The following PTK2B variants were observed in gnomAD, a reference collection of about 807,000 sequenced individuals.
PTK2B encodes the protein protein tyrosine kinase 2 beta, also known as protein-tyrosine kinase 2-beta.
Under a neutral mutation model 142.9 loss-of-function variants are expected in PTK2B, and 71 were observed. The ratio of observed to expected loss-of-function variants is 0.50; its 90% CI spans 0.41 to 0.61. The LOEUF (loss-of-function observed/expected upper bound fraction) is 0.61, where lower values mean the gene tolerates loss of function less well. Among genes scored for constraint, PTK2B ranks in the 20% least tolerant of loss-of-function variants. The pLI is 0.00. For missense variants in PTK2B, 1,105 were observed against 1,320.4 expected (o/e 0.84, Z 2.53); for synonymous variants, 519 against 503.4 (o/e 1.03, Z -0.42).
At chr8:27,349,264 A>G (rs1031555644) in intron 1 of PTK2B, among the ~76,000 whole-genome samples, 1 of 152,178 alleles carries the variant, frequency 6.6e-6, no homozygotes, top group African/African-American at 2.4e-5. Context: ...TTTGGTCTTA[A>G]CTGTATGACT....
At chr8:27,444,989 G>A (rs1309728620) in intron 23 of PTK2B, among the ~76,000 whole-genome samples, 4 of 152,052 alleles carry the variant, frequency 2.6e-5, no homozygotes. Flanking sequence ...AGGACTAATA[G>A]ATAAATCCTC....
chr8:27,316,334 C>G (rs1803094159), intron 3 of PTK2B, among the ~76,000 whole-genome samples: 2 of 150,976 alleles, frequency 1.3e-5, no homozygotes, highest in Admixed American at 6.6e-5. Flanking sequence ...AAAGTGGCTA[C>G]TGCAAATAAA....
At chr8:27,311,274 C>T, upstream of PTK2B, 1 of 1,461,218 alleles carries the variant, frequency 6.8e-7, no homozygotes, top group Admixed American at 2.5e-5. Context: ...AACTTTTGCT[C>T]CGGCCCCTCC....
upstream of PTK2B, among the ~76,000 whole-genome samples, chr8:27,323,769 T>C (rs1015425607): frequency 5.9e-5 from 9 of 152,306 alleles, no homozygotes; most frequent in Middle Eastern, 3.4e-3. Context: ...GTCTTTTTCA[T>C]TTAAAAAGCT....
chr8:27,448,866 A>G (rs966147411), intron 24 of PTK2B, among the ~76,000 whole-genome samples: 11 of 152,222 alleles, frequency 7.2e-5, no homozygotes, highest in African/African-American at 2.7e-4. Context: ...TCAGCCTCTG[A>G]TCAACAAAAC....
chr8:27,453,017 T>A, intron 27 of PTK2B, 97 bp from the exon 28 acceptor site: 2 of 1,395,390 alleles, frequency 1.4e-6, no homozygotes, highest in South Asian at 1.2e-5. Flanking sequence ...AGTCTCCTGG[T>A]GGTAGAGGGG....
Position 27,430,119 on chromosome 8 carries a change from A to G in PTK2B, c.578A>G (p.Asn193Ser), listed in dbSNP as rs1406125901. The G allele has an allele frequency of 1.9e-6, 3 of 1,613,968 alleles. No homozygotes were observed. Among genetic ancestry groups the G allele is most frequent in the Non-Finnish European group, 2.5e-6 (3 of 1,179,902 alleles). Reference sequence around the variant, plus strand: ...CGGTTCTTCAAGGATATGCCCCACAATGCACTTGACAAGAAGTCCAACTTC... The same window carrying G: ...CGGTTCTTCAAGGATATGCCCCACAGTGCACTTGACAAGAAGTCCAACTTC... ...LRRFFKDMPHNALDKKSNFEL... is the reference protein window; with the variant it reads ...LRRFFKDMPHSALDKKSNFEL... The change falls in exon 6 of 31, where the codon AAT (asparagine) becomes AGT (serine). Residue 193 changes from asparagine (N) to serine (S), a missense_variant. Transcript: ENST00000346049.
chr8:27,410,012 A>G (rs1219042500), intron 2 of PTK2B, among the ~76,000 whole-genome samples: 2 of 152,212 alleles, frequency 1.3e-5, no homozygotes, highest in Non-Finnish European at 2.9e-5. Flanking sequence ...GTGAGCCACC[A>G]TGCCTGGCCT....
intron 5 of PTK2B, among the ~76,000 whole-genome samples, chr8:27,426,507 A>G (rs73570190): frequency 2.2e-3 from 330 of 152,332 alleles, no homozygotes; most frequent in African/African-American, 7.7e-3. Context: ...TTGGGAAGCT[A>G]CCTTACTGGG....
intron 15 of PTK2B, 77 bp downstream of exon 15, chr8:27,436,425 T>C: frequency 1.4e-6 from 2 of 1,421,374 alleles, no homozygotes; most frequent in Non-Finnish European, 9.9e-7. Context: ...CTGAGCAGGT[T>C]GGAGTTGGCA....
intron 5 of PTK2B, among the ~76,000 whole-genome samples, chr8:27,423,281 T>C (rs2131880628): frequency 6.6e-6 from 1 of 152,334 alleles, no homozygotes; most frequent in South Asian, 2.1e-4. Context: ...AGCCCTGTCT[T>C]GACCAGGGCA....
intron 1 of PTK2B, among the ~76,000 whole-genome samples, chr8:27,381,894 T>G (rs1453777719): frequency 6.6e-6 from 1 of 152,246 alleles, no homozygotes; most frequent in Non-Finnish European, 1.5e-5. Context: ...TGATTCATAT[T>G]TCCCTTATGA....
At chr8:27,396,287 A>G (rs1349163234) in intron 1 of PTK2B, 2 of 152,234 alleles carry the variant, frequency 1.3e-5, no homozygotes, top group East Asian at 3.8e-4. Context: ...CATACAGGCT[A>G]TGATTCCACT....
intron 10 of PTK2B, 191 bp from the exon 11 acceptor site, chr8:27,433,244 C>G (rs573938575): frequency 1.7e-6 from 1 of 571,714 alleles, no homozygotes; most frequent in Non-Finnish European, 3.1e-6. Context: ...CTTTGGAGAG[C>G]ATGGGCGTAC....
intron 1 of PTK2B, among the ~76,000 whole-genome samples, chr8:27,376,672 C>T (rs1054778252): frequency 1.3e-5 from 2 of 152,160 alleles, no homozygotes; most frequent in Non-Finnish European, 2.9e-5. Context: ...ATGAGAGTGT[C>T]CTCTGGTCAT....
intron 1 of PTK2B, among the ~76,000 whole-genome samples, chr8:27,333,970 A>T (rs1803909123): frequency 1.3e-5 from 2 of 150,742 alleles, no homozygotes; most frequent in Non-Finnish European, 3.0e-5. Context: ...ACGCCAAACC[A>T]TCTCTCCTCC....
upstream of PTK2B, chr8:27,322,400 A>T (rs755407858): frequency 6.6e-6 from 1 of 152,186 alleles, no homozygotes; most frequent in Admixed American, 6.5e-5. Context: ...TCTGCAAACC[A>T]GGAATAGGAC....
chr8:27,442,835 T>C, intron 21 of PTK2B, 40 bp from the exon 22 acceptor site: 1 of 1,564,566 alleles, frequency 6.4e-7, no homozygotes, highest in East Asian at 2.2e-5. Flanking sequence ...CGTCTCACTT[T>C]GACCTAGTTT....
At chr8:27,356,697 A>G (rs1009686257) in intron 1 of PTK2B, among the ~76,000 whole-genome samples, 1 of 152,270 alleles carries the variant, frequency 6.6e-6, no homozygotes, top group Admixed American at 6.5e-5. Flanking sequence ...GGAGACTAGT[A>G]TATTCACACC....
Sources: gnomAD v4.1 joint callset for allele counts (sites outside exome capture counted in the v4.1 genomes callset) on GRCh38, gnomAD v4.1.1 for gene constraint, MANE v1.5 for transcripts, NCBI Gene and HGNC (gene_info 2026-07-23, HGNC 2026-07-21) for gene names.